MELK: variants seen among roughly 807,000 people sequenced by gnomAD.
MELK encodes the protein maternal embryonic leucine zipper kinase.
A neutral mutation model predicts 85.0 loss-of-function variants in MELK; 81 were observed. That is an observed-to-expected ratio of 0.95 (90% CI 0.80 to 1.15). MELK has a LOEUF of 1.15. Among genes scored for constraint, MELK ranks in the 50% most tolerant of loss-of-function variants. MELK has a pLI of 0.00. For missense variants in MELK, 754 were observed against 777.5 expected (o/e 0.97, Z 0.36); for synonymous variants, 252 against 265.0 (o/e 0.95, Z 0.48).
At chr9:36,597,194 A>G (rs774959395) in intron 5 of MELK, 28 bp from the exon 6 acceptor site, 24 of 1,577,254 alleles carry the variant, frequency 1.5e-5, no homozygotes, top group Middle Eastern at 3.3e-4. Context: ...GTCAGTATAC[A>G]GTTATCAAAA....
At chr9:36,649,761 T>C (rs1384193446) in intron 11 of MELK, among the ~76,000 whole-genome samples, 2 of 151,698 alleles carry the variant, frequency 1.3e-5, no homozygotes, top group Non-Finnish European at 2.9e-5. Context: ...AGAGCGAGAC[T>C]CTATCTCAAA....
chr9:36,662,438 TTC>T (rs1404132023), intron 13 of MELK, among the ~76,000 whole-genome samples: 2 of 152,180 alleles, frequency 1.3e-5, no homozygotes, highest in East Asian at 3.9e-4. Context: ...GAGACAGGGT[TTC>T]ACCATGTTGG....
intron 10 of MELK, among the ~76,000 whole-genome samples, chr9:36,640,136 A>G (rs2136846650): frequency 6.6e-6 from 1 of 152,338 alleles, no homozygotes; most frequent in African/African-American, 2.4e-5. Context: ...ATACCAGTCA[A>G]TAATGCAAGG....
chr9:36,664,030 T>C lies in MELK; in HGVS notation c.1177-1320T>C, dbSNP rs1286635919. On this transcript the variant is annotated intron_variant, in intron 13 of 17. Transcript: ENST00000298048. ...CCATCTTTCACGTATCGTATGTCTT[T>C]TTCTGTCTTGGCTACATTCAGAGTT... Among the ~76,000 whole-genome samples the C allele has an allele frequency of 5.3e-5, 8 of 152,262 alleles. 1 individual carries two copies. The highest frequency in any genetic ancestry group is 6.5e-5 in the Admixed American group (1 of 15,298).
chr9:36,593,038 CA>C (rs1228334488), intron 4 of MELK, among the ~76,000 whole-genome samples: 84 of 152,298 alleles, frequency 5.5e-4, no homozygotes, highest in Admixed American at 1.8e-3. Context: ...GTAAATGACT[CA>C]TACAGTATTC....
chr9:36,651,674 A>T, intron 11 of MELK, 72 bp from the exon 12 acceptor site: 1 of 1,538,594 alleles, frequency 6.5e-7, no homozygotes, highest in African/African-American at 1.4e-5. Flanking sequence ...GAAGAAAAAA[A>T]TTAATTAAAG....
Position 36,624,682 on chromosome 9 carries a change from A to G in MELK, c.667-5617A>G, listed in dbSNP as rs144860667. 9.2e-3 allele frequency among the ~76,000 whole-genome samples: 1,403 copies of G among 152,314 alleles called. 23 individuals are homozygous for G. The highest frequency in any genetic ancestry group is 0.03 in the African/African-American group (1,252 of 41,574). The stretch of plus-strand genomic sequence containing the variant: ...GAGGAATTTGGAATCAGTATGGTAG[A>G]GCTCTCTTTATTTAGTACTTTGGTC... On this transcript the variant is annotated intron_variant, in intron 8 of 17. Coordinates refer to ENST00000298048, the MANE Select transcript of MELK (RefSeq NM_014791.4).
At chr9:36,578,243 G>GCT (rs1554712226) in intron 1 of MELK, among the ~76,000 whole-genome samples, 6 of 148,466 alleles carry the variant, frequency 4.0e-5, no homozygotes, top group African/African-American at 1.5e-4. Flanking sequence ...GATCCAATGT[G>GCT]TTTTTTTTTT....
At chr9:36,597,360 C>A in intron 6 of MELK, 70 bp downstream of exon 6, 2 of 1,338,960 alleles carry the variant, frequency 1.5e-6, no homozygotes, top group Non-Finnish European at 2.1e-6. Context: ...TGATTTTGTC[C>A]TGACTTCCAC....
chr9:36,605,343 G>A (rs1156422100), intron 7 of MELK, among the ~76,000 whole-genome samples: 1 of 152,008 alleles, frequency 6.6e-6, no homozygotes, highest in East Asian at 1.9e-4. Context: ...CATGTAGCTG[G>A]TATCACAGGT....
chr9:36,605,953 T>TAAA (rs554431255), intron 7 of MELK, among the ~76,000 whole-genome samples: 1 of 128,412 alleles, frequency 7.8e-6, no homozygotes. Context: ...ACCCTGTCTC[T>TAAA]AAAAAAAAAA....
intron 3 of MELK, among the ~76,000 whole-genome samples, chr9:36,588,702 G>A (rs1823214421): frequency 6.6e-6 from 1 of 152,000 alleles, no homozygotes; most frequent in South Asian, 2.1e-4. Flanking sequence ...TTATAATGAA[G>A]TTTTACTTGT....
intron 16 of MELK, 111 bp from the exon 17 acceptor site, chr9:36,674,723 T>A (rs911028310): frequency 4.0e-5 from 21 of 525,860 alleles, no homozygotes; most frequent in Non-Finnish European, 4.9e-5. Context: ...TAGGAAATAG[T>A]TCCATTTGAA....
At position 36,594,678 on chromosome 9, in the gene MELK, G is replaced by T. The variant is rs1016168092; in HGVS notation, c.312G>T (p.Leu104=). 6.2e-7 allele frequency: 1 copy of T among 1,614,080 alleles called. No homozygotes were observed. Among genetic ancestry groups the T allele is most frequent in the Non-Finnish European group, 8.5e-7 (1 of 1,179,988 alleles). ...LFDYIISQDR[L]SEEETRVVFR... is the part of the protein sequence containing the mutation. The stretch of plus-strand genomic sequence containing the variant: ...ACTATATAATTTCCCAGGATCGCCT[G>T]TCAGAAGAGGAGACCCGGGTTGTCT... The change falls in exon 5 of 18, where the codon CTG becomes CTT. Residue 104 remains leucine, a synonymous_variant. Coordinates refer to ENST00000298048, the MANE Select transcript of MELK (RefSeq NM_014791.4).
intron 6 of MELK, among the ~76,000 whole-genome samples, 177 bp downstream of exon 6, chr9:36,597,467 A>G (rs1457156222): frequency 1.3e-5 from 2 of 152,214 alleles, no homozygotes; most frequent in Non-Finnish European, 2.9e-5. Context: ...TGATCATAAC[A>G]TGCAATCAAG....
At chr9:36,575,460 A>C (rs895494484) in intron 1 of MELK, among the ~76,000 whole-genome samples, 4 of 152,230 alleles carry the variant, frequency 2.6e-5, no homozygotes, top group Non-Finnish European at 5.9e-5. Flanking sequence ...AGGAGTTTGT[A>C]ATGTAAGCAC....
intron 1 of MELK, among the ~76,000 whole-genome samples, chr9:36,578,513 T>C (rs1488143772): frequency 1.3e-5 from 2 of 152,196 alleles, no homozygotes; most frequent in Non-Finnish European, 2.9e-5. Flanking sequence ...AACCATACTC[T>C]TGAGAATTTT....
In MELK at chr9:36,657,279, TA is replaced by T; in HGVS notation, c.1097del (p.Asn366IlefsTer6). The T allele has an allele frequency of 6.2e-7, 1 of 1,613,604 alleles. No individual in the cohort carries two copies. On this transcript the variant is annotated frameshift_variant, in exon 13 of 18. Coordinates refer to ENST00000298048, the MANE Select transcript of MELK (RefSeq NM_014791.4). LOFTEE classifies it high-confidence loss of function. ...WSLEDVTASD[K>X]NYVAGLIDYD... ...GTCTGGAAGATGTGACCGCAAGTGA[TA>T]AAAATTATGTGGCGGGATTAATAGA...
rs755444724 is a variant in MELK at position 36,651,773 on chromosome 9, T to C, written c.949T>C (p.Tyr317His). 49 of 1,613,972 alleles carry C rather than the reference T, an allele frequency of 3.0e-5. No homozygotes were observed. The highest frequency in any genetic ancestry group is 4.0e-5 in the Non-Finnish European group (47 of 1,179,956). The change falls in exon 12 of 18, where the codon TAT (tyrosine) becomes CAT (histidine). Residue 317 changes from tyrosine to histidine, a missense_variant. Tyr to His is a moderately conservative substitution (Grantham distance 83, BLOSUM62 2). Transcript: ENST00000298048. ...LWQYDHLTAT[Y>H]LLLLAKKARG... The stretch of plus-strand genomic sequence containing the variant: ...GCAGTATGATCACCTCACGGCTACC[T>C]ATCTTCTGCTTCTAGCCAAGAAGGC...
Sources: allele counts gnomAD v4.1 joint callset (sites outside exome capture counted in the v4.1 genomes callset), GRCh38; gene constraint gnomAD v4.1.1; transcripts MANE v1.5; gene names NCBI Gene and HGNC (gene_info 2026-07-23, HGNC 2026-07-21).